Variants in SHROOM4 observed in about 807,000 individuals in gnomAD.
The protein encoded by SHROOM4 is protein Shroom4.
In SHROOM4, 17 loss-of-function variants were observed where a neutral mutation model predicts 80.3. The ratio of observed to expected loss-of-function variants is 0.21; its 90% CI spans 0.14 to 0.32. The LOEUF (loss-of-function observed/expected upper bound fraction) is 0.32, where lower values mean the gene tolerates loss of function less well. SHROOM4 is among the 10% of genes least tolerant of loss of function. The pLI is 1.00. For missense variants in SHROOM4, 993 were observed against 1,140.3 expected, an observed-to-expected ratio of 0.87 and a Z score of 1.86; for synonymous variants, 400 against 437.5, an observed-to-expected ratio of 0.91 and a Z score of 1.07.
Position 50,588,315 on chromosome X carries a change from T to C in SHROOM4, c.*8380A>G, listed in dbSNP as rs1302662304. 8.9e-6 allele frequency among the ~76,000 whole-genome samples: 1 copy of C among 111,964 alleles called. No individual in the cohort carries two copies. The highest frequency in any genetic ancestry group is 2.8e-4 in the East Asian group (1 of 3,563). The stretch of plus-strand genomic sequence containing the variant: ...CATCATCTACGGAGAACCTACCATA[T>C]GAACAGCTCTACCAGAGACCTCATT... On this transcript the variant is annotated 3_prime_UTR_variant, in exon 9 of 9. Coordinates refer to ENST00000376020, the MANE Select transcript of SHROOM4 (RefSeq NM_020717.5).
intron 2 of SHROOM4, among the ~76,000 whole-genome samples, chrX:50,654,522 C>T (rs1557259275): frequency 9.0e-6 from 1 of 110,789 alleles, no homozygotes; most frequent in Non-Finnish European, 1.9e-5. Context: ...TATCCATAAC[C>T]TCAAATACTT....
At chrX:50,586,330 C>T (rs1446271103), downstream of SHROOM4, among the ~76,000 whole-genome samples, 11 of 111,720 alleles carry the variant, frequency 9.8e-5, no homozygotes, top group African/African-American at 3.6e-4. Context: ...TTACTCATGG[C>T]CTTTTCCCAG....
At chrX:50,749,056 CA>C (rs1934845959) in intron 1 of SHROOM4, among the ~76,000 whole-genome samples, 1 of 110,999 alleles carries the variant, frequency 9.0e-6, no homozygotes, top group African/African-American at 3.3e-5. Flanking sequence ...ACAAAAAATC[CA>C]AAAAAATAGC....
chrX:50,670,263 C>T (rs1932781646), intron 2 of SHROOM4, among the ~76,000 whole-genome samples: 1 of 109,128 alleles, frequency 9.2e-6, no homozygotes, highest in African/African-American at 3.4e-5. Flanking sequence ...TCCCCTAGCC[C>T]CCCACCCTCT....
At chrX:50,601,162 T>A (rs1357072979) in intron 7 of SHROOM4, among the ~76,000 whole-genome samples, 1 of 111,970 alleles carries the variant, frequency 8.9e-6, no homozygotes, top group African/African-American at 3.2e-5. Flanking sequence ...TTGGTGACAT[T>A]CCTCACCTTT....
At chrX:50,695,755 G>A (rs1557262983) in intron 2 of SHROOM4, 31 bp downstream of exon 2, 1 of 1,205,328 alleles carries the variant, frequency 8.3e-7, no homozygotes, top group Admixed American at 2.2e-5. Context: ...AGTGGCCTCT[G>A]CACCTTACGG....
intron 2 of SHROOM4, among the ~76,000 whole-genome samples, chrX:50,658,073 G>A (rs1557259619): frequency 8.9e-6 from 1 of 111,959 alleles, no homozygotes; most frequent in Non-Finnish European, 1.9e-5. Context: ...TTCCTTCTAT[G>A]TGAGGACACA....
At chrX:50,645,557 T>C (rs1460687203) in intron 2 of SHROOM4, among the ~76,000 whole-genome samples, 1 of 110,827 alleles carries the variant, frequency 9.0e-6, no homozygotes, top group Non-Finnish European at 1.9e-5. Flanking sequence ...AAGATGAGAG[T>C]TGGGATGTCA....
chrX:50,660,928 T>C (rs1221578160), intron 2 of SHROOM4, among the ~76,000 whole-genome samples: 1 of 110,220 alleles, frequency 9.1e-6, no homozygotes, highest in Non-Finnish European at 1.9e-5. Flanking sequence ...GTATCTTTCA[T>C]TTGTTTTTAT....
intron 1 of SHROOM4, among the ~76,000 whole-genome samples, chrX:50,724,613 C>A (rs782226954): frequency 8.9e-6 from 1 of 112,152 alleles, no homozygotes; most frequent in Non-Finnish European, 1.9e-5. Flanking sequence ...GACAGGCATG[C>A]GCCACCACAC....
At chrX:50,602,113 T>A (rs1853083) in intron 7 of SHROOM4, among the ~76,000 whole-genome samples, 3 of 104,222 alleles carry the variant, frequency 2.9e-5, no homozygotes, top group South Asian at 4.6e-4. Flanking sequence ...TTTTTGAGAC[T>A]GAGTTTCACT....
At chrX:50,709,666 C>A (rs1279111948) in intron 1 of SHROOM4, among the ~76,000 whole-genome samples, 2 of 112,319 alleles carry the variant, frequency 1.8e-5, no homozygotes, top group Non-Finnish European at 3.8e-5. Flanking sequence ...TCTCTTCACT[C>A]TAAAATGCAG....
rs781884595 is a variant in SHROOM4, at chrX:50,607,750, T to C, written c.3392A>G (p.Gln1131Arg). 19 of 1,191,393 alleles carry C rather than the reference T, an allele frequency of 1.6e-5. No individual in the cohort carries two copies. Among genetic ancestry groups the C allele is most frequent in the Non-Finnish European group, 2.0e-5 (18 of 885,657 alleles). Reference protein sequence around the residue: ...QKQQQQQQKQQEEEEEEEEEE... With the variant: ...QKQQQQQQKQREEEEEEEEEE... ...TTCTTCCTCCTCCTCCTCCTCCTCC[T>C]GTTGCTTCTGCTGCTGCTGTTGCTG... The change falls in exon 6 of 9, where the codon CAG becomes CGG. Residue 1131 changes from glutamine (Q) to arginine (R), a missense_variant. Transcript: ENST00000376020.
At chrX:50,753,894 A>G (rs1934977863) in intron 1 of SHROOM4, among the ~76,000 whole-genome samples, 1 of 111,709 alleles carries the variant, frequency 9.0e-6, no homozygotes, top group Admixed American at 9.5e-5. Flanking sequence ...CTCCCAAGAA[A>G]AGCTAGCTGT....
chrX:50,631,638 A>G (rs1557254144), intron 4 of SHROOM4, among the ~76,000 whole-genome samples: 1 of 112,331 alleles, frequency 8.9e-6, no homozygotes, highest in African/African-American at 3.2e-5. Flanking sequence ...CCAAAAAGCT[A>G]TTAGAACTAA....
At chrX:50,624,196 AG>A (rs1480921602) in intron 5 of SHROOM4, among the ~76,000 whole-genome samples, 1 of 112,099 alleles carries the variant, frequency 8.9e-6, no homozygotes, top group East Asian at 2.8e-4. Context: ...TACACTTAAA[AG>A]CTGCTTGCAT....
intron 1 of SHROOM4, among the ~76,000 whole-genome samples, chrX:50,726,206 G>A (rs1934239589): frequency 8.9e-6 from 1 of 111,939 alleles, no homozygotes. Context: ...TTAAAGAAGT[G>A]ACCTGGCTTT....
At chrX:50,805,104 A>C (rs970511289) in intron 1 of SHROOM4, among the ~76,000 whole-genome samples, 9 of 111,432 alleles carry the variant, frequency 8.1e-5, no homozygotes, top group African/African-American at 2.6e-4. Context: ...AACACAAACA[A>C]AAAGAAATGG....
At chrX:50,792,053 G>A (rs1935863426) in intron 1 of SHROOM4, among the ~76,000 whole-genome samples, 1 of 112,036 alleles carries the variant, frequency 8.9e-6, no homozygotes, top group Non-Finnish European at 1.9e-5. Context: ...AAAACTTGTA[G>A]AAGAAAATGT....
Sources: allele counts gnomAD v4.1 joint callset (sites outside exome capture counted in the v4.1 genomes callset), GRCh38; gene constraint gnomAD v4.1.1; transcripts MANE v1.5; gene names NCBI Gene and HGNC (gene_info 2026-07-23, HGNC 2026-07-21).